Variants in LST1 observed in about 807,000 individuals in gnomAD.
The protein encoded by LST1 is leukocyte-specific transcript 1 protein.
LST1 carries 9 observed loss-of-function variants against 8.5 expected under a neutral mutation model. The ratio of observed to expected loss-of-function variants is 1.06; its 90% CI spans 0.64 to 1.85. The LOEUF is 1.85. Ranked by LOEUF, LST1 falls within the 40% of genes most tolerant of loss-of-function variation. The probability of loss-of-function intolerance (pLI) is 0.00; values close to 1 mark genes in which losing one functional copy is unlikely to be tolerated. For synonymous variants in LST1, 53 were observed against 50.4 expected, an observed-to-expected ratio of 1.05 and a Z score of -0.21; for missense variants, 121 against 117.1, an observed-to-expected ratio of 1.03 and a Z score of -0.16.
rs747101385 is a variant in LST1, at chr6:31,588,550, T to A, written c.168T>A (p.Tyr56Ter). Reference sequence around the variant, plus strand: ...GCTCCTCAGAGCAGGAACTCCACTATGCATCTCTGCAGAGGCTGCCAGTGC... The same window carrying A: ...GCTCCTCAGAGCAGGAACTCCACTAAGCATCTCTGCAGAGGCTGCCAGTGC... ...AQGSSEQELH[Y>*]ASLQRLPVPS... Residue 56 changes from tyrosine to a stop codon, truncating the protein, a stop_gained, in exon 5 of 5, where the codon TAT (tyrosine) becomes TAA (stop). Coordinates refer to ENST00000438075, the MANE Select transcript of LST1 (RefSeq NM_205839.3). LOFTEE classifies it low-confidence loss of function (END_TRUNC). 6.2e-7 allele frequency: 1 copy of A among 1,611,746 alleles called. No homozygotes were observed. Among genetic ancestry groups the A allele is most frequent in the Non-Finnish European group, 8.5e-7 (1 of 1,179,398 alleles).
rs1355875113 is a variant in LST1 at position 31,587,714 on chromosome 6, G to C, written c.93G>C (p.Leu31=). ...LLAVVLLSAC[L]CWLHRRVKRL... is the part of the protein sequence containing the mutation. ...CAGTGGTCCTTCTGTCCGCCTGCCT[G>C]TGTTGGCTGCATCGAAGAGGTGAGC... The change falls in exon 3 of 5, where the codon CTG becomes CTC. Residue 31 remains leucine (L), a synonymous_variant. Coordinates refer to ENST00000438075, the MANE Select transcript of LST1 (RefSeq NM_205839.3). 6.2e-7 allele frequency: 1 copy of C among 1,602,280 alleles called. No individual in the cohort carries two copies. Among genetic ancestry groups the C allele is most frequent in the East Asian group, 2.2e-5 (1 of 44,676 alleles).
chr6:31,587,475 G>A, intron 2 of LST1, 157 bp downstream of exon 2: 8 of 926,570 alleles, frequency 8.6e-6, no homozygotes, highest in Non-Finnish European at 1.4e-5. Context: ...CCAGAAACCT[G>A]GTAAGAGGTG....
rs1373865241 is a variant in LST1, at chr6:31,587,290, C to T, written c.-10C>T. 1 of 1,606,280 alleles carries T rather than the reference C, an allele frequency of 6.2e-7. No homozygotes were observed. Among genetic ancestry groups the T allele is most frequent in the East Asian group, 2.2e-5 (1 of 44,842 alleles). ...CCTGACCTCCAGGCCAGTCCCTGATCCCTGACCTAATGTTATCGCGGAATG... is the reference window on the plus strand; with the variant it reads ...CCTGACCTCCAGGCCAGTCCCTGATTCCTGACCTAATGTTATCGCGGAATG... On this transcript the variant is annotated 5_prime_UTR_variant, in exon 2 of 5. Coordinates refer to ENST00000438075, the MANE Select transcript of LST1 (RefSeq NM_205839.3).
Position 31,588,744 on chromosome 6 carries a change from C to T in LST1, c.*68C>T, listed in dbSNP as rs951765533. 2 of 1,540,428 alleles carry T rather than the reference C, an allele frequency of 1.3e-6. No individual in the cohort carries two copies. Among genetic ancestry groups the T allele is most frequent in the Non-Finnish European group, 1.8e-6 (2 of 1,113,794 alleles). ...CCCCCTGTGGTCCAGCCAGTAAAAA[C>T]CATGGTCCCCCCACTTCTGTGTCTC... On this transcript the variant is annotated 3_prime_UTR_variant, in exon 5 of 5. Coordinates refer to ENST00000438075, the MANE Select transcript of LST1 (RefSeq NM_205839.3).
At chr6:31,588,376 G>GAC in intron 4 of LST1, 142 bp from the exon 5 acceptor site, 1 of 317,482 alleles carries the variant, frequency 3.1e-6, no homozygotes, top group Non-Finnish European at 5.8e-6. Context: ...AAAGAAAAAA[G>GAC]AGAGAGAGAG....
chr6:31,588,780 G>A lies in LST1; in HGVS notation c.*104G>A. On this transcript the variant is annotated 3_prime_UTR_variant, in exon 5 of 5. Coordinates refer to ENST00000438075, the MANE Select transcript of LST1 (RefSeq NM_205839.3). ...CCACTTCTGTGTCTCAGTCCTCTCA[G>A]TCCATCTCGAGCCTCCGTTCAAATT... is the stretch of plus-strand genomic sequence containing the variant. 1 of 1,295,758 alleles carries A rather than the reference G, an allele frequency of 7.7e-7. No homozygotes were observed. The allele number at this position is 1,295,758 out of a possible 1,614,324, so 80.3% of individuals were successfully genotyped here.
chr6:31,588,409 AGAGAGAGAGAGAGGGAGAG>A, intron 4 of LST1, 90 bp from the exon 5 acceptor site: 3 of 1,142,306 alleles, frequency 2.6e-6, no homozygotes, highest in African/African-American at 1.6e-5. Context: ...AGAGGGAGAG[AGAGAGAGAGAGAGGGAGAG>A]AAGTAAGAAA....
Position 31,587,749 on chromosome 6 carries a change from C to T in LST1, c.112+16C>T. On this transcript the variant is annotated intron_variant, in intron 3 of 4. Transcript: ENST00000438075. ...CATCGAAGAGGTGAGCGCTGCACTC[C>T]CTCCCTCCCCCTGCAGCAGTGCCCC... 1 of 1,552,488 alleles carries T rather than the reference C, an allele frequency of 6.4e-7. No individual in the cohort carries two copies. Among genetic ancestry groups the T allele is most frequent in the Non-Finnish European group, 8.7e-7 (1 of 1,143,986 alleles).
At chr6:31,588,189 T>A in intron 4 of LST1, 5 of 550,746 alleles carry the variant, frequency 9.1e-6, no homozygotes, top group African/African-American at 1.9e-5. Flanking sequence ...AGGGAGAAAA[T>A]GAGAGTGAGA....
intron 2 of LST1, 118 bp downstream of exon 2, chr6:31,587,436 A>G: frequency 7.9e-7 from 1 of 1,262,564 alleles, no homozygotes; most frequent in Non-Finnish European, 1.2e-6. Context: ...GACAGCTGGT[A>G]CAGGAGGGAA....
chr6:31,588,430 A>T, intron 4 of LST1, 88 bp from the exon 5 acceptor site: 1 of 1,324,122 alleles, frequency 7.6e-7, no homozygotes, highest in Non-Finnish European at 1.0e-6. Flanking sequence ...GAGGGAGAGA[A>T]GTAAGAAAGG....
At chr6:31,588,374 AAGAGAGAGAGAGAGAGAGAGAGAGAG>A in intron 4 of LST1, 118 bp from the exon 5 acceptor site, 4 of 626,338 alleles carry the variant, frequency 6.4e-6, no homozygotes, top group Non-Finnish European at 1.1e-5. Flanking sequence ...CCAAAGAAAA[AAGAGAGAGAGAGAGAGAGAGAGAGAG>A]AGGGAGAGAG....
At chr6:31,587,819 A>G in intron 3 of LST1, 86 bp downstream of exon 3, 3 of 1,514,194 alleles carry the variant, frequency 2.0e-6, no homozygotes, top group East Asian at 2.3e-5. Flanking sequence ...TTCCCAGAAC[A>G]CTGCCTGGCC....
At chr6:31,587,873 T>G (rs2150406934) in intron 3 of LST1, 71 bp from the exon 4 acceptor site, 1 of 1,561,478 alleles carries the variant, frequency 6.4e-7, no homozygotes, top group Non-Finnish European at 8.7e-7. Flanking sequence ...CGCCTGCTGG[T>G]GGGGGGAGCC....
At chr6:31,588,239 A>T in intron 4 of LST1, 1 of 578,090 alleles carries the variant, frequency 1.7e-6, no homozygotes, top group Non-Finnish European at 3.1e-6. Flanking sequence ...AGAGAGAGAG[A>T]GAGGCTCCAG....
rs9279359 is a variant in LST1, at chr6:31,588,374, AAGAGAGAG to A, written c.136-123_136-116del. On this transcript the variant is annotated intron_variant, in intron 4 of 4. Transcript: ENST00000438075. ...AGTGGGACTCTGTCTCCAAAGAAAA[AAGAGAGAG>A]AGAGAGAGAGAGAGAGAGAGGGAGA... 5.5e-4 allele frequency: 344 copies of A among 627,216 alleles called. 1 individual carries two copies. Among genetic ancestry groups the A allele is most frequent in the African/African-American group, 3.6e-3 (172 of 48,428 alleles). 38.9% of individuals were successfully genotyped at this position (627,216 alleles called of 1,614,324 possible). A position where few individuals can be genotyped will look rare whatever the true frequency, so the allele number is the denominator to read the frequency against.
intron 2 of LST1, 129 bp from the exon 3 acceptor site, chr6:31,587,512 C>T (rs983304147): frequency 1.2e-6 from 1 of 803,898 alleles, no homozygotes; most frequent in African/African-American, 1.7e-5. Context: ...GATGGAGAAG[C>T]TCTGAGGGTA....
In LST1 at chr6:31,587,945, A is replaced by G; in HGVS notation, c.114A>G (p.Val38=). Residue 38 remains valine, a splice_region_variant and synonymous_variant, in exon 4 of 5, where the codon GTA becomes GTG. Transcript: ENST00000438075. The part of the protein sequence containing the change: ...SACLCWLHRR[V]KRLERSWAQG... ...GTTGAGCTTCTTCTTTTCTTCCAGT[A>G]AAGAGGCTGGAGAGGAGCTGGGTGA... 6.2e-7 allele frequency: 1 copy of G among 1,610,180 alleles called. No individual in the cohort carries two copies. The highest frequency in any genetic ancestry group is 1.1e-5 in the South Asian group (1 of 90,634).
At chr6:31,587,027 C>G in intron 1 of LST1, 173 bp from the exon 2 acceptor site, 1 of 575,100 alleles carries the variant, frequency 1.7e-6, no homozygotes, top group Non-Finnish European at 3.1e-6. Context: ...GGATGGGTGA[C>G]CTAGTAAAGT....
Sources: gnomAD v4.1 joint callset for allele counts on GRCh38, gnomAD v4.1.1 for gene constraint, MANE v1.5 for transcripts, NCBI Gene and HGNC (gene_info 2026-07-23, HGNC 2026-07-21) for gene names.